ZNF813: variants seen among roughly 807,000 people sequenced by gnomAD.
ZNF813 encodes the protein zinc finger protein 813.
Under a neutral mutation model 7.2 loss-of-function variants are expected in ZNF813, and 3 were observed. That is an observed-to-expected ratio of 0.42 (90% CI 0.19 to 1.08). ZNF813 has a LOEUF of 1.08. Among genes scored for constraint, ZNF813 ranks in the 50% least tolerant of loss-of-function variants. The probability of loss-of-function intolerance (pLI) is 0.30; values close to 1 mark genes in which losing one functional copy is unlikely to be tolerated. For synonymous variants in ZNF813, 227 were observed against 256.3 expected (o/e 0.89, Z 1.09); for missense variants, 714 against 753.3 (o/e 0.95, Z 0.61).
rs560555088 is a variant in ZNF813 at position 53,484,713 on chromosome 19, C to T, written c.15+876C>T. Among the ~76,000 whole-genome samples the T allele has an allele frequency of 1.1e-4, 17 of 152,186 alleles. No individual in the cohort carries two copies. In the South Asian group the frequency reaches 1.7e-3, roughly 15 times the overall value. ...CCAAGTAGCTGGGATTATAGGCGTG[C>T]GTCACCCCGCCCAGCTAATTTTGTT... On this transcript the variant is annotated intron_variant, in intron 2 of 3. Coordinates refer to ENST00000396403, the MANE Select transcript of ZNF813 (RefSeq NM_001004301.4).
Position 53,490,997 on chromosome 19 carries a change from G to C in ZNF813, c.765G>C (p.Lys255Asn). The C allele has an allele frequency of 6.2e-7, 1 of 1,614,146 alleles. No homozygotes were observed. The highest frequency in any genetic ancestry group is 8.5e-7 in the Non-Finnish European group (1 of 1,180,014). The part of the protein sequence containing the change: ...CDVCGKVFNR[K>N]RNLVCHRRCH... ...TATGTGGCAAGGTCTTTAATCGGAA[G>C]CGAAACCTAGTGTGCCATCGTAGAT... The change falls in exon 4 of 4, where the codon AAG (lysine) becomes AAC (asparagine). Residue 255 changes from lysine to asparagine, a missense_variant. By Grantham distance (94) the Lys-to-Asn change is moderately conservative. Coordinates refer to ENST00000396403, the MANE Select transcript of ZNF813 (RefSeq NM_001004301.4).
Position 53,492,031 on chromosome 19 carries a change from T to G in ZNF813, c.1799T>G (p.Leu600Arg). The G allele has an allele frequency of 6.2e-7, 1 of 1,614,052 alleles. No individual in the cohort carries two copies. Among genetic ancestry groups the G allele is most frequent in the Non-Finnish European group, 8.5e-7 (1 of 1,179,990 alleles). Residue 600 changes from leucine (L) to arginine (R), a missense_variant, in exon 4 of 4, where the codon CTT becomes CGT. Leu to Arg is a moderately radical substitution (Grantham distance 102). This residue lies in a region of ZNF813 where 122 missense variants were observed against 146.8 expected (regional missense o/e 0.83). Coordinates refer to ENST00000396403, the MANE Select transcript of ZNF813 (RefSeq NM_001004301.4). ...QKANLARHHRLHTGEKPYKFN... is the reference protein window; with the variant it reads ...QKANLARHHRRHTGEKPYKFN... ...GCAAACCTTGCACGTCATCATAGAC[T>G]TCATACTGGAGAGAAACCTTACAAG...
rs774396264 is a variant in ZNF813 at position 53,490,393 on chromosome 19, T to C, written c.161T>C (p.Met54Thr). The C allele has an allele frequency of 1.2e-6, 2 of 1,613,978 alleles. No individual in the cohort carries two copies. The highest frequency in any genetic ancestry group is 2.2e-5 in the East Asian group (1 of 44,892). The change falls in exon 4 of 4, where the codon ATG becomes ACG. Residue 54 changes from methionine (M) to threonine (T), a missense_variant. By Grantham distance (81) the Met-to-Thr change is moderately conservative (BLOSUM62 -1). Around this residue, in one of 3 missense-constraint regions of ZNF813, gnomAD observed 563 missense variants for 554.2 expected, o/e 1.02. Transcript: ENST00000396403. ...TTTGTAGATATCTCTTCCAAATGCA[T>C]GATGAAGGAGTTCTCATCAACAGCA... Reference protein sequence around the residue: ...LVSLDISSKCMMKEFSSTAQG... With the variant: ...LVSLDISSKCTMKEFSSTAQG...
intron 1 of ZNF813, among the ~76,000 whole-genome samples, chr19:53,483,047 G>A (rs558766781): frequency 2.6e-5 from 4 of 151,940 alleles, no homozygotes; most frequent in Non-Finnish European, 5.9e-5. Context: ...TGAGTAGCTG[G>A]GATTACAGAC....
Position 53,492,258 on chromosome 19 carries a change from C to A in ZNF813, c.*172C>A. ...TTTTAATCAACAAGCACACCTTCCA[C>A]GTCATCATAGACTTCATAGTGGAGA... On this transcript the variant is annotated 3_prime_UTR_variant, in exon 4 of 4. Transcript: ENST00000396403. 1.1e-6 allele frequency: 1 copy of A among 948,066 alleles called. No homozygotes were observed. Among genetic ancestry groups the A allele is most frequent in the Non-Finnish European group, 1.6e-6 (1 of 621,422 alleles). 58.7% of individuals were successfully genotyped at this position (948,066 alleles called of 1,614,324 possible). A position where few individuals can be genotyped will look rare whatever the true frequency, so the allele number is the denominator to read the frequency against.
At chr19:53,475,491 A>T (rs1191640953) in intron 1 of ZNF813, among the ~76,000 whole-genome samples, 1 of 152,284 alleles carries the variant, frequency 6.6e-6, no homozygotes, top group Non-Finnish European at 1.5e-5. Flanking sequence ...CTGGGAGCAG[A>T]ATAGCCGGGT....
In ZNF813 at chr19:53,492,129, A is replaced by C; in HGVS notation, c.*43A>C. On this transcript the variant is annotated 3_prime_UTR_variant, in exon 4 of 4. Coordinates refer to ENST00000396403, the MANE Select transcript of ZNF813 (RefSeq NM_001004301.4). ...TCATCATACAATTCATACTGGAAAG[A>C]AACAAGTGCAATGAGTGTGGCAAGA... 1 of 1,579,052 alleles carries C rather than the reference A, an allele frequency of 6.3e-7. No individual in the cohort carries two copies. The highest frequency in any genetic ancestry group is 8.6e-7 in the Non-Finnish European group (1 of 1,161,874).
Position 53,491,105 on chromosome 19 carries a change from A to T in ZNF813, c.873A>T (p.Arg291Ser). The change falls in exon 4 of 4, where the codon AGA becomes AGT. Residue 291 changes from arginine (R) to serine (S), a missense_variant. Transcript: ENST00000396403. The part of the protein sequence containing the change: ...SQTYSLTCHR[R>S]LHTGEKPYKC... ...CGTATTCCCTTACATGCCATCGTAG[A>T]CTTCATACTGGAGAGAAACCTTACA... 2 of 1,614,154 alleles carry T rather than the reference A, an allele frequency of 1.2e-6. No individual in the cohort carries two copies. Among genetic ancestry groups the T allele is most frequent in the Non-Finnish European group, 1.7e-6 (2 of 1,180,000 alleles).
Position 53,480,260 on chromosome 19 carries a change from C to G in ZNF813, c.-73-3490C>G, listed in dbSNP as rs149591313. ...CCTCTTTTTCACCAAACTGTCTCTGCCTCTTCCTGGAGATTCCAGCTGGGC... is the reference window on the plus strand; with the variant it reads ...CCTCTTTTTCACCAAACTGTCTCTGGCTCTTCCTGGAGATTCCAGCTGGGC... On this transcript the variant is annotated intron_variant, in intron 1 of 3. Coordinates refer to ENST00000396403, the MANE Select transcript of ZNF813 (RefSeq NM_001004301.4). The G allele has an allele frequency of 6.1e-3, 4,492 of 741,400 alleles. 2 individuals are homozygous for G. In the African/African-American group the frequency reaches 0.07, roughly 12 times the overall value. 45.9% of individuals were successfully genotyped at this position (741,400 alleles called of 1,614,324 possible).
chr19:53,486,419 C>T (rs2086434146), intron 2 of ZNF813, among the ~76,000 whole-genome samples: 1 of 150,130 alleles, frequency 6.7e-6, no homozygotes, highest in South Asian at 2.1e-4. Context: ...TGCACTCCAG[C>T]CTGGGCAGCA....
intron 1 of ZNF813, among the ~76,000 whole-genome samples, chr19:53,471,199 G>T (rs2086357279): frequency 6.6e-6 from 1 of 152,064 alleles, no homozygotes; most frequent in South Asian, 2.1e-4. Context: ...TGGTCTAATT[G>T]TTTCAAGTAC....
At chr19:53,469,759 C>T (rs2086346904) in intron 1 of ZNF813, among the ~76,000 whole-genome samples, 1 of 148,906 alleles carries the variant, frequency 6.7e-6, no homozygotes. Flanking sequence ...AGAAGCACAG[C>T]AGGGAGGACA....
At chr19:53,476,550 A>AC (rs956686935) in intron 1 of ZNF813, among the ~76,000 whole-genome samples, 11 of 149,256 alleles carry the variant, frequency 7.4e-5, no homozygotes, top group African/African-American at 2.5e-4. Flanking sequence ...AATTGCTTGA[A>AC]CCCGGGGGGC....
intron 2 of ZNF813, among the ~76,000 whole-genome samples, chr19:53,485,075 A>G (rs2086425878): frequency 1.3e-5 from 2 of 152,136 alleles, no homozygotes; most frequent in African/African-American, 2.4e-5. Context: ...AGTCTCATAC[A>G]CGTGTATTTC....
In ZNF813 at chr19:53,492,065, G is replaced by A; in HGVS notation, c.1833G>A (p.Glu611=). 1 of 1,612,486 alleles carries A rather than the reference G, an allele frequency of 6.2e-7. No homozygotes were observed. Among genetic ancestry groups the A allele is most frequent in the South Asian group, 1.1e-5 (1 of 90,826 alleles). ...GAGAGAAACCTTACAAGTTTAATGA[G>A]TGTGGCAAAGCTTTTAATTGAAAAG... ...HTGEKPYKFN[E]CGKAFN The change falls in exon 4 of 4, where the codon GAG becomes GAA. Residue 611 remains glutamate, a synonymous_variant. Coordinates refer to ENST00000396403, the MANE Select transcript of ZNF813 (RefSeq NM_001004301.4).
chr19:53,474,676 G>A (rs766663666), intron 1 of ZNF813, among the ~76,000 whole-genome samples: 24 of 151,204 alleles, frequency 1.6e-4, no homozygotes, highest in African/African-American at 2.7e-4. Flanking sequence ...GTGACAGAGC[G>A]AGACTCAATC....
chr19:53,469,928 G>A lies in ZNF813; in HGVS notation c.-74+2139G>A, dbSNP rs185104054. 2.4e-3 allele frequency among the ~76,000 whole-genome samples: 357 copies of A among 151,646 alleles called. 3 individuals are homozygous for A. Among genetic ancestry groups the A allele is most frequent in the African/African-American group, 6.4e-3 (265 of 41,332 alleles). ...ACAGAAGGATGTTTACTTAAGGTACGCACCGGCTCAGTGGATTTACATCTA... is the reference window on the plus strand; with the variant it reads ...ACAGAAGGATGTTTACTTAAGGTACACACCGGCTCAGTGGATTTACATCTA... On this transcript the variant is annotated intron_variant, in intron 1 of 3. Coordinates refer to ENST00000396403, the MANE Select transcript of ZNF813 (RefSeq NM_001004301.4).
intron 1 of ZNF813, among the ~76,000 whole-genome samples, chr19:53,475,920 G>T (rs771862957): frequency 6.6e-6 from 1 of 152,194 alleles, no homozygotes; most frequent in East Asian, 1.9e-4. Context: ...TCTTGATTAG[G>T]TTTTCAAAGG....
At chr19:53,473,234 TC>T (rs2086367782) in intron 1 of ZNF813, among the ~76,000 whole-genome samples, 1 of 152,196 alleles carries the variant, frequency 6.6e-6, no homozygotes, top group African/African-American at 2.4e-5. Context: ...GCTTGATGAG[TC>T]CTCAAGCTTC....
Sources: gnomAD v4.1 joint callset for allele counts (sites outside exome capture counted in the v4.1 genomes callset) on GRCh38, gnomAD v4.1.1 for gene constraint, gnomAD v4.1.1 regional missense constraint, MANE v1.5 for transcripts, NCBI Gene and HGNC (gene_info 2026-07-23, HGNC 2026-07-21) for gene names.